CUBN: variants seen among roughly 807,000 people sequenced by gnomAD.
The protein encoded by CUBN is 460 kDa receptor.
A neutral mutation model predicts 405.3 loss-of-function variants in CUBN; 282 were observed. The ratio of observed to expected loss-of-function variants is 0.70; its 90% CI spans 0.63 to 0.77. The LOEUF (loss-of-function observed/expected upper bound fraction) is 0.77. Among genes scored for constraint, CUBN ranks in the 30% least tolerant of loss-of-function variants. The pLI, the probability that CUBN is intolerant of heterozygous loss-of-function variation, is 0.00. For synonymous variants in CUBN, 1,684 were observed against 1,617.0 expected, an observed-to-expected ratio of 1.04 and a Z score of -0.99; for missense variants, 4,514 against 4,475.2, an observed-to-expected ratio of 1.01 and a Z score of -0.25.
chr10:17,051,868 G>A (rs1835276903), intron 22 of CUBN, among the ~76,000 whole-genome samples: 1 of 151,764 alleles, frequency 6.6e-6, no homozygotes, highest in Middle Eastern at 3.2e-3. Flanking sequence ...TAATAAAAAT[G>A]GGCCAAAAAA....
chr10:17,033,477 A>T (rs1244148879), intron 27 of CUBN, among the ~76,000 whole-genome samples: 1 of 152,232 alleles, frequency 6.6e-6, no homozygotes, highest in East Asian at 1.9e-4. Flanking sequence ...TAAGTGTCTA[A>T]AATATATCCT....
chr10:16,948,750 C>T, intron 34 of CUBN, 144 bp from the exon 35 acceptor site: 2 of 962,772 alleles, frequency 2.1e-6, no homozygotes, highest in Admixed American at 2.0e-5. Flanking sequence ...CATTCAGGGT[C>T]AATGTTTGAG....
chr10:16,848,884 T>G (rs1839597321), intron 60 of CUBN, among the ~76,000 whole-genome samples: 1 of 151,896 alleles, frequency 6.6e-6, no homozygotes, highest in Non-Finnish European at 1.5e-5. Context: ...TTGTATTTTT[T>G]GTAGAGACGG....
At chr10:17,055,895 T>C (rs1217336448) in intron 22 of CUBN, among the ~76,000 whole-genome samples, 1 of 152,232 alleles carries the variant, frequency 6.6e-6, no homozygotes, top group East Asian at 1.9e-4. Context: ...CAAGTTTTTT[T>C]ATATATTGAA....
chr10:17,044,453 C>T (rs980535619), intron 25 of CUBN, among the ~76,000 whole-genome samples: 2 of 151,890 alleles, frequency 1.3e-5, no homozygotes, highest in African/African-American at 2.4e-5. Flanking sequence ...CAGTAATAAG[C>T]GTGTGAGCTT....
intron 27 of CUBN, among the ~76,000 whole-genome samples, chr10:17,022,181 T>C (rs1275178275): frequency 2.0e-5 from 3 of 152,220 alleles, no homozygotes; most frequent in African/African-American, 7.2e-5. Context: ...TTTAAGGTTA[T>C]GATAAATCGC....
chr10:17,002,546 C>T (rs772578169), intron 28 of CUBN, among the ~76,000 whole-genome samples: 5 of 151,954 alleles, frequency 3.3e-5, no homozygotes, highest in African/African-American at 2.4e-5. Flanking sequence ...AATGGGGAGG[C>T]GAGACTCCTG....
chr10:16,829,938 T>G (rs57739446), intron 65 of CUBN, among the ~76,000 whole-genome samples: 2,396 of 147,578 alleles, frequency 0.016, 65 homozygotes, highest in African/African-American at 0.056. Context: ...GTTTTTTTTG[T>G]TTTGTTTTTT....
chr10:16,930,094 T>C (rs1417924527), intron 40 of CUBN, among the ~76,000 whole-genome samples: 1 of 152,136 alleles, frequency 6.6e-6, no homozygotes, highest in Admixed American at 6.5e-5. Flanking sequence ...GCAGAAAGAT[T>C]GAGCCTAATC....
chr10:16,977,132 T>C (rs1833122755), intron 31 of CUBN, among the ~76,000 whole-genome samples: 1 of 152,176 alleles, frequency 6.6e-6, no homozygotes, highest in South Asian at 2.1e-4. Context: ...TGACTATCTT[T>C]GATAGTGTGT....
chr10:17,127,460 A>T (rs1837226472), intron 3 of CUBN, among the ~76,000 whole-genome samples: 1 of 119,160 alleles, frequency 8.4e-6, no homozygotes, highest in Non-Finnish European at 1.6e-5. Flanking sequence ...TTTTTGGTAG[A>T]GACGGAGTCT....
intron 60 of CUBN, among the ~76,000 whole-genome samples, chr10:16,846,433 G>A (rs370748825): frequency 2.0e-5 from 3 of 151,996 alleles, no homozygotes; most frequent in African/African-American, 7.3e-5. Context: ...CATTGCCTTT[G>A]GGATAGTACA....
At chr10:16,890,189 C>T (rs1296486352) in intron 55 of CUBN, among the ~76,000 whole-genome samples, 182 bp downstream of exon 55, 1 of 152,100 alleles carries the variant, frequency 6.6e-6, no homozygotes, top group African/African-American at 2.4e-5. Context: ...TATATCACTT[C>T]TCAATTCAGT....
intron 2 of CUBN, 79 bp downstream of exon 2, chr10:17,129,042 C>T (rs1588662864): frequency 9.1e-7 from 1 of 1,097,188 alleles, no homozygotes; most frequent in Non-Finnish European, 1.4e-6. Flanking sequence ...ATTCAAGGTA[C>T]AGATTAATCT....
Position 16,969,904 on chromosome 10 carries a change from C to A in CUBN, c.4695+12580G>T, listed in dbSNP as rs565228573. On this transcript the variant is annotated intron_variant, in intron 31 of 66. Coordinates refer to ENST00000377833, the MANE Select transcript of CUBN (RefSeq NM_001081.4). Reference sequence around the variant, plus strand: ...GTTGACTTCAACTTTGAGGATGAAACCACCACTGACGTCACTGGGCCCTCA... The same window carrying A: ...GTTGACTTCAACTTTGAGGATGAAAACACCACTGACGTCACTGGGCCCTCA... 1.7e-4 allele frequency among the ~76,000 whole-genome samples: 26 copies of A among 152,308 alleles called. No individual in the cohort carries two copies. The South Asian group carries it at 5.0e-3, about 29-fold the overall frequency.
chr10:16,947,082 T>C (rs1028125028), intron 36 of CUBN, among the ~76,000 whole-genome samples, 153 bp downstream of exon 36: 8 of 152,218 alleles, frequency 5.3e-5, no homozygotes, highest in Admixed American at 5.2e-4. Flanking sequence ...CTTCATGCTA[T>C]TTATAACTCA....
At position 17,039,530 on chromosome 10, in the gene CUBN, C is replaced by T. The variant is rs992101023; in HGVS notation, c.4017+1503G>A. 9.2e-5 allele frequency among the ~76,000 whole-genome samples: 14 copies of T among 152,122 alleles called. No homozygotes were observed. The East Asian group carries it at 1.9e-3, about 21-fold the overall frequency. On this transcript the variant is annotated intron_variant, in intron 27 of 66. Coordinates refer to ENST00000377833, the MANE Select transcript of CUBN (RefSeq NM_001081.4). ...GAGGTATGACCAACTGCTGTGTTCACGGTATAAACAAAGGGCTTTGAAAGC... is the reference window on the plus strand; with the variant it reads ...GAGGTATGACCAACTGCTGTGTTCATGGTATAAACAAAGGGCTTTGAAAGC...
chr10:17,071,397 T>C (rs1397486016), intron 19 of CUBN, 29 bp downstream of exon 19: 1 of 1,608,924 alleles, frequency 6.2e-7, no homozygotes, highest in Admixed American at 1.7e-5. Context: ...TACAACCAAA[T>C]ACAAATTCAA....
At chr10:17,056,053 A>G (rs922067769) in intron 22 of CUBN, among the ~76,000 whole-genome samples, 39 of 152,110 alleles carry the variant, frequency 2.6e-4, no homozygotes, top group African/African-American at 8.9e-4. Context: ...ATAATGTTCT[A>G]TTGTTAAAGG....
Sources: gnomAD v4.1 joint callset for allele counts (sites outside exome capture counted in the v4.1 genomes callset) on GRCh38, gnomAD v4.1.1 for gene constraint, MANE v1.5 for transcripts, NCBI Gene and HGNC (gene_info 2026-07-23, HGNC 2026-07-21) for gene names.